The following ADGRD1 variants were observed in gnomAD, a reference collection of about 807,000 sequenced individuals.
ADGRD1 encodes G-protein coupled receptor 133.
A neutral mutation model predicts 113.4 loss-of-function variants in ADGRD1; 77 were observed. The ratio of observed to expected loss-of-function variants is 0.68; its 90% CI spans 0.57 to 0.82. The LOEUF (loss-of-function observed/expected upper bound fraction) is 0.82, where lower values mean the gene tolerates loss of function less well. Among genes scored for constraint, ADGRD1 ranks in the 40% least tolerant of loss-of-function variants. The pLI is 0.00. For synonymous variants in ADGRD1, 474 were observed against 475.0 expected (o/e 1.00, Z 0.03); for missense variants, 1,036 against 1,139.1 (o/e 0.91, Z 1.30).
intron 13 of ADGRD1, among the ~76,000 whole-genome samples, chr12:131,014,887 C>T (rs1485889788): frequency 6.6e-6 from 1 of 152,204 alleles, no homozygotes; most frequent in Non-Finnish European, 1.5e-5. Flanking sequence ...CGATGCACTG[C>T]CATTCTTTAG....
intron 2 of ADGRD1, among the ~76,000 whole-genome samples, chr12:130,963,450 T>C (rs1006132077): frequency 6.6e-6 from 1 of 152,178 alleles, no homozygotes; most frequent in Non-Finnish European, 1.5e-5. Flanking sequence ...AACAGCAGTA[T>C]TGGTTTCTGC....
intron 15 of ADGRD1, among the ~76,000 whole-genome samples, chr12:131,101,373 C>CTTTTTTTTTTTTTTTTT (rs796951608): frequency 3.8e-5 from 3 of 79,354 alleles, no homozygotes; most frequent in African/African-American, 5.4e-5. Flanking sequence ...CTTTTTCTTT[C>CTTTTTTTTTTTTTTTTT]TTTCTTTTTT....
At position 131,057,654 on chromosome 12, in the gene ADGRD1, AT is replaced by A. The variant is rs1883994027; in HGVS notation, c.1474-19146del. Among the ~76,000 whole-genome samples the A allele has an allele frequency of 6.6e-6, 1 of 152,132 alleles. No homozygotes were observed. The highest frequency in any genetic ancestry group is 2.4e-5 in the African/African-American group (1 of 41,430). On this transcript the variant is annotated intron_variant, in intron 13 of 24. Transcript: ENST00000261654. This position sits in a 1 kb window ranked among gnomAD's most constrained non-coding sequence, Gnocchi z 4.2. The stretch of plus-strand genomic sequence containing the variant: ...TCCCGCAGTGTACGAGGACACTCAG[AT>A]GGGACTGAGGGCTCGTCCCCATCTA...
chr12:131,029,339 C>T (rs981662637), intron 13 of ADGRD1, among the ~76,000 whole-genome samples: 1 of 152,232 alleles, frequency 6.6e-6, no homozygotes, highest in African/African-American at 2.4e-5. Context: ...CTGCTCCTGC[C>T]TCCCTCTGTC....
intron 18 of ADGRD1, among the ~76,000 whole-genome samples, chr12:131,112,962 T>C (rs1299432850): frequency 6.6e-6 from 1 of 152,182 alleles, no homozygotes; most frequent in African/African-American, 2.4e-5. Context: ...GAGTAGAGCT[T>C]CTAAAGCACA....
chr12:130,999,724 T>C (rs1876099360), intron 8 of ADGRD1, among the ~76,000 whole-genome samples: 1 of 152,192 alleles, frequency 6.6e-6, no homozygotes, highest in African/African-American at 2.4e-5. Flanking sequence ...ACACATCCAC[T>C]AAGCCGGTGC....
chr12:131,090,041 G>A (rs755736582), intron 15 of ADGRD1, among the ~76,000 whole-genome samples: 14 of 152,186 alleles, frequency 9.2e-5, no homozygotes, highest in African/African-American at 1.2e-4. Flanking sequence ...AGGAAGGAAG[G>A]GAAGGGCCCA....
At position 131,049,424 on chromosome 12, in the gene ADGRD1, G is replaced by A. The variant is rs935008807; in HGVS notation, c.1474-27377G>A. Among the ~76,000 whole-genome samples, 5 of 152,308 alleles carry A rather than the reference G, an allele frequency of 3.3e-5. No individual in the cohort carries two copies. In the East Asian group the frequency reaches 7.7e-4, roughly 24 times the overall value. On this transcript the variant is annotated intron_variant, in intron 13 of 24. Transcript: ENST00000261654. ...ACTCGATGTGGAGAAACGTCTTTTC[G>A]ATCTCCATGCCTACTTTTCCCTCAC...
At chr12:131,058,981 C>G (rs1159920657) in intron 13 of ADGRD1, among the ~76,000 whole-genome samples, 1 of 152,156 alleles carries the variant, frequency 6.6e-6, no homozygotes, top group Non-Finnish European at 1.5e-5. Context: ...TATGGGGCTG[C>G]AGTGACACGG....
chr12:131,079,758 GCA>G (rs1885924567), intron 14 of ADGRD1, among the ~76,000 whole-genome samples: 1 of 152,066 alleles, frequency 6.6e-6, no homozygotes, highest in Non-Finnish European at 1.5e-5. Flanking sequence ...TAATTTATAG[GCA>G]CAGAGTTTTT....
At chr12:131,138,523 C>T (rs1951162331) in intron 24 of ADGRD1, among the ~76,000 whole-genome samples, 1 of 152,208 alleles carries the variant, frequency 6.6e-6, no homozygotes, top group South Asian at 2.1e-4. Context: ...TGGCCCATCC[C>T]CGCCGCCCTC....
intron 13 of ADGRD1, among the ~76,000 whole-genome samples, chr12:131,033,150 G>A (rs1451002455): frequency 6.6e-6 from 1 of 152,238 alleles, no homozygotes; most frequent in Non-Finnish European, 1.5e-5. Context: ...CACCCTCCGT[G>A]TGCAGACCAG....
intron 11 of ADGRD1, 134 bp downstream of exon 11, chr12:131,004,430 G>A (rs989782565): frequency 9.1e-6 from 6 of 656,512 alleles, no homozygotes; most frequent in East Asian, 5.4e-5. Flanking sequence ...GTGCTCCCCC[G>A]GACTGCCTGT....
At chr12:131,051,040 C>T (rs377320279) in intron 13 of ADGRD1, among the ~76,000 whole-genome samples, 4 of 152,242 alleles carry the variant, frequency 2.6e-5, no homozygotes, top group East Asian at 1.9e-4. Flanking sequence ...ATGAGAACAC[C>T]GCCCGCATGA....
intron 13 of ADGRD1, among the ~76,000 whole-genome samples, chr12:131,031,782 G>A (rs1880784505): frequency 6.6e-6 from 1 of 152,148 alleles, no homozygotes; most frequent in Non-Finnish European, 1.5e-5. Flanking sequence ...GAAGTGACTT[G>A]GCTTCTCCCC....
chr12:130,976,091 C>CT (rs111271075), intron 4 of ADGRD1, among the ~76,000 whole-genome samples: 1 of 152,204 alleles, frequency 6.6e-6, no homozygotes, highest in Non-Finnish European at 1.5e-5. Context: ...TTTGAGTTGA[C>CT]TTTTTCCCCC....
At chr12:131,069,052 G>A (rs1431308391) in intron 13 of ADGRD1, among the ~76,000 whole-genome samples, 5 of 152,164 alleles carry the variant, frequency 3.3e-5, no homozygotes, top group African/African-American at 1.2e-4. Flanking sequence ...GATGCTCTGG[G>A]GCCATGGCCT....
intron 13 of ADGRD1, among the ~76,000 whole-genome samples, chr12:131,033,679 T>C (rs1437622844): frequency 6.6e-6 from 1 of 152,128 alleles, no homozygotes; most frequent in African/African-American, 2.4e-5. Flanking sequence ...GCCGTGGGCC[T>C]GGGTGGCCAC....
At chr12:131,004,801 A>C (rs1442135768) in intron 11 of ADGRD1, among the ~76,000 whole-genome samples, 4 of 152,324 alleles carry the variant, frequency 2.6e-5, no homozygotes, top group African/African-American at 9.6e-5. Context: ...CACATAATAA[A>C]AAATGAGAGG....
Sources: gnomAD v4.1 joint callset for allele counts (sites outside exome capture counted in the v4.1 genomes callset) on GRCh38, gnomAD v4.1.1 for gene constraint, Gnocchi (gnomAD v3.1) non-coding constraint, MANE v1.5 for transcripts, NCBI Gene and HGNC (gene_info 2026-07-23, HGNC 2026-07-21) for gene names.